The following PPP1R42 variants were observed in gnomAD, a reference collection of about 807,000 sequenced individuals.
PPP1R42 encodes protein phosphatase 1 regulatory subunit 42, also known as leucine rich repeat containing 67.
In PPP1R42, 34 loss-of-function variants were observed where a neutral mutation model predicts 31.0. The observed-to-expected ratio is 1.10, with a 90% CI of 0.83 to 1.46. The LOEUF is 1.46. Among genes scored for constraint, PPP1R42 ranks in the 40% most tolerant of loss-of-function variants. The probability of loss-of-function intolerance (pLI) is 0.00; values close to 1 mark genes in which losing one functional copy is unlikely to be tolerated. For synonymous variants in PPP1R42, 103 were observed against 109.8 expected, an observed-to-expected ratio of 0.94 and a Z score of 0.39; for missense variants, 268 against 303.0, an observed-to-expected ratio of 0.88 and a Z score of 0.86.
chr8:67,010,263 A>G (rs530110174), intron 5 of PPP1R42, among the ~76,000 whole-genome samples: 1 of 152,360 alleles, frequency 6.6e-6, no homozygotes, highest in African/African-American at 2.4e-5. Context: ...ATGATATAAC[A>G]TGACATTAAT....
At chr8:67,008,701 C>CT (rs1474726272) in intron 5 of PPP1R42, among the ~76,000 whole-genome samples, 3 of 132,632 alleles carry the variant, frequency 2.3e-5, no homozygotes, top group African/African-American at 6.2e-5. Context: ...GAGTGAGACT[C>CT]TGTCTCAAAA....
intron 7 of PPP1R42, among the ~76,000 whole-genome samples, chr8:66,975,126 G>A (rs1487344440): frequency 6.6e-6 from 1 of 152,148 alleles, no homozygotes; most frequent in Non-Finnish European, 1.5e-5. Flanking sequence ...AACATGAGGT[G>A]TCTTTTCATT....
intron 7 of PPP1R42, among the ~76,000 whole-genome samples, chr8:66,977,881 T>C (rs1428824138): frequency 6.6e-6 from 1 of 152,230 alleles, no homozygotes; most frequent in Non-Finnish European, 1.5e-5. Context: ...TCTCTTAGTC[T>C]CAACTGATAC....
chr8:67,014,256 C>G (rs942148779), intron 3 of PPP1R42, among the ~76,000 whole-genome samples, 170 bp downstream of exon 3: 1 of 151,972 alleles, frequency 6.6e-6, no homozygotes, highest in African/African-American at 2.4e-5. Flanking sequence ...TCCACAAAAC[C>G]CATGTGGGAA....
rs371754739 is a variant in PPP1R42, at chr8:66,992,450, A to G, written c.553-3933T>C. Among the ~76,000 whole-genome samples the G allele has an allele frequency of 7.9e-5, 12 of 152,222 alleles. No homozygotes were observed. The South Asian group carries it at 1.5e-3, about 19-fold the overall frequency. On this transcript the variant is annotated intron_variant, in intron 5 of 7. Transcript: ENST00000685739. ...TAATAAAACATCTAACTAATAGAAC[A>G]TCTAACTAATAAAAGCAATGCTGTA... is the stretch of plus-strand genomic sequence containing the variant.
Position 66,971,283 on chromosome 8 carries a change from C to T in PPP1R42, c.803-6949G>A, listed in dbSNP as rs905211410. On this transcript the variant is annotated intron_variant, in intron 7 of 7. Transcript: ENST00000685739. ...AAAACTAGTAATAAAATTAATAACC[C>T]GAGGAAAAAATAGCACAGACTTTCA... is the stretch of plus-strand genomic sequence containing the variant. The T allele has an allele frequency of 6.4e-5, 34 of 527,368 alleles. No individual in the cohort carries two copies. The South Asian group carries it at 8.5e-4, about 13-fold the overall frequency. 32.7% of individuals were successfully genotyped at this position (527,368 alleles called of 1,614,324 possible). A position where few individuals can be genotyped will look rare whatever the true frequency, so the allele number is the denominator to read the frequency against.
At chr8:67,008,031 C>T (rs766317698) in intron 5 of PPP1R42, among the ~76,000 whole-genome samples, 2 of 151,610 alleles carry the variant, frequency 1.3e-5, no homozygotes, top group Non-Finnish European at 2.9e-5. Flanking sequence ...GGACTACAGG[C>T]GCCTGCCACC....
intron 7 of PPP1R42, among the ~76,000 whole-genome samples, chr8:66,974,126 T>C (rs1245927658): frequency 6.6e-6 from 1 of 152,232 alleles, no homozygotes; most frequent in Non-Finnish European, 1.5e-5. Context: ...TTGGGTCATA[T>C]GGCAGTCCTA....
At chr8:66,976,941 A>G (rs1814693241) in intron 7 of PPP1R42, among the ~76,000 whole-genome samples, 1 of 151,964 alleles carries the variant, frequency 6.6e-6, no homozygotes, top group Admixed American at 6.6e-5. Context: ...TTGCTAGATC[A>G]TATGGTAGTT....
intron 1 of PPP1R42, among the ~76,000 whole-genome samples, chr8:67,022,552 T>C (rs1816254632): frequency 6.6e-6 from 1 of 152,140 alleles, no homozygotes; most frequent in Non-Finnish European, 1.5e-5. Flanking sequence ...ATCACTATTT[T>C]TCTCATGTTT....
intron 5 of PPP1R42, among the ~76,000 whole-genome samples, chr8:67,009,754 A>G (rs1815789773): frequency 6.6e-6 from 1 of 152,226 alleles, no homozygotes; most frequent in Non-Finnish European, 1.5e-5. Context: ...TTGTGCTAGA[A>G]TACATATATT....
At position 67,013,138 on chromosome 8, in the gene PPP1R42, T is replaced by G. The variant is rs747242234; in HGVS notation, c.297-42A>C. ...TAATTCTAAACAGACATTCTGAGAA[T>G]GTCATGGTCTTTATTAAACGTGACA... On this transcript the variant is annotated intron_variant, in intron 3 of 7. Transcript: ENST00000685739. 10 of 1,507,878 alleles carry G rather than the reference T, an allele frequency of 6.6e-6. No individual in the cohort carries two copies. The African/African-American group carries it at 1.4e-4, about 21-fold the overall frequency. The allele number at this position is 1,507,878 out of a possible 1,614,324, so 93.4% of individuals were successfully genotyped here.
intron 5 of PPP1R42, among the ~76,000 whole-genome samples, chr8:66,994,253 A>G (rs1197797452): frequency 6.6e-6 from 1 of 152,114 alleles, no homozygotes; most frequent in East Asian, 1.9e-4. Flanking sequence ...CTCTGTAATG[A>G]GGCATATCCT....
chr8:67,013,232 T>C (rs1815897146), intron 3 of PPP1R42, 136 bp from the exon 4 acceptor site: 6 of 613,302 alleles, frequency 9.8e-6, no homozygotes, highest in Non-Finnish European at 1.6e-5. Context: ...ATATTGAATC[T>C]ATGAAAGGTT....
At chr8:67,011,194 G>C (rs112374834) in intron 4 of PPP1R42, among the ~76,000 whole-genome samples, 5,293 of 152,240 alleles carry the variant, frequency 0.035, 188 homozygotes, top group African/African-American at 0.079. Flanking sequence ...GCTTACTGTA[G>C]CTTTAGCAAA....
chr8:67,018,481 T>C (rs1326116313), intron 1 of PPP1R42, among the ~76,000 whole-genome samples: 2 of 151,346 alleles, frequency 1.3e-5, no homozygotes, highest in Non-Finnish European at 2.9e-5. Context: ...TAGTGGCTAT[T>C]CACAGGCATG....
chr8:67,021,699 T>A (rs963626860), intron 1 of PPP1R42, among the ~76,000 whole-genome samples: 6 of 152,168 alleles, frequency 3.9e-5, no homozygotes, highest in Non-Finnish European at 8.8e-5. Context: ...AATTTAGGAT[T>A]TATCTAAAAT....
At position 67,028,448 on chromosome 8, in the gene PPP1R42, G is replaced by C. The variant is rs192371924; in HGVS notation, c.-85+43C>G. On this transcript the variant is annotated intron_variant, in intron 1 of 7. Transcript: ENST00000685739. ...GGCAAGTTTGAGAAACATGGTTCTA[G>C]GGTTTCCTCGGTCCCCACGCTTATT... is the stretch of plus-strand genomic sequence containing the variant. The C allele has an allele frequency of 3.8e-4, 368 of 980,952 alleles. 2 individuals carry two copies. Among genetic ancestry groups the C allele is most frequent in the Middle Eastern group, 3.7e-3 (7 of 1,906 alleles). The allele number at this position is 980,952 out of a possible 1,614,324, so 60.8% of individuals were successfully genotyped here. A position where few individuals can be genotyped will look rare whatever the true frequency, so the allele number is the denominator to read the frequency against.
chr8:66,967,207 A>G (rs1814407494), intron 7 of PPP1R42, among the ~76,000 whole-genome samples: 1 of 152,136 alleles, frequency 6.6e-6, no homozygotes, highest in Non-Finnish European at 1.5e-5. Flanking sequence ...CCTGGACTCA[A>G]GCAATCCTCT....
Sources: gnomAD v4.1 joint callset for allele counts (sites outside exome capture counted in the v4.1 genomes callset) on GRCh38, gnomAD v4.1.1 for gene constraint, MANE v1.5 for transcripts, NCBI Gene and HGNC (gene_info 2026-07-23, HGNC 2026-07-21) for gene names.